The following MTMR2 variants were observed in gnomAD, a reference collection of about 807,000 sequenced individuals.
MTMR2 encodes myotubularin related protein 2.
Under a neutral mutation model 86.9 loss-of-function variants are expected in MTMR2, and 55 were observed. That is an observed-to-expected ratio of 0.63 (90% CI 0.51 to 0.79). The LOEUF is 0.79. MTMR2 is among the 30% of genes least tolerant of loss of function. MTMR2 has a pLI of 0.00. For synonymous variants in MTMR2, 241 were observed against 266.8 expected, an observed-to-expected ratio of 0.90 and a Z score of 0.94; for missense variants, 659 against 772.3, an observed-to-expected ratio of 0.85 and a Z score of 1.74.
chr11:95,859,452 G>A (rs1864326397), intron 5 of MTMR2, among the ~76,000 whole-genome samples: 1 of 152,186 alleles, frequency 6.6e-6, no homozygotes, highest in South Asian at 2.1e-4. Flanking sequence ...GCTCATGCCT[G>A]TTATTCCAAC....
chr11:95,850,475 A>G (rs1590984810), intron 8 of MTMR2, 125 bp downstream of exon 8: 5 of 997,124 alleles, frequency 5.0e-6, no homozygotes, highest in African/African-American at 1.6e-5. Context: ...TCAATCTCCA[A>G]TATCCCCATG....
intron 10 of MTMR2, among the ~76,000 whole-genome samples, chr11:95,845,900 A>C (rs918734989): frequency 6.6e-6 from 1 of 151,348 alleles, no homozygotes; most frequent in Non-Finnish European, 1.5e-5. Flanking sequence ...AAAAAAAAAA[A>C]AAAGGACAAT....
chr11:95,836,074 T>C, intron 14 of MTMR2, 74 bp downstream of exon 14: 1 of 1,397,248 alleles, frequency 7.2e-7, no homozygotes, highest in Non-Finnish European at 1.0e-6. Context: ...CAGATAATCT[T>C]TCCAGCTGCT....
At chr11:95,866,505 C>T (rs1864624599) in intron 2 of MTMR2, 1 of 151,944 alleles carries the variant, frequency 6.6e-6, no homozygotes, top group African/African-American at 2.4e-5. Flanking sequence ...AACAAATTAA[C>T]TTATTTTCAA....
chr11:95,853,942 C>G (rs989305341), intron 7 of MTMR2, among the ~76,000 whole-genome samples: 5 of 152,072 alleles, frequency 3.3e-5, no homozygotes, highest in African/African-American at 1.2e-4. Context: ...TCCCCCAACC[C>G]AGAAAGGTAC....
In MTMR2 at chr11:95,848,532, A is replaced by G. The variant is rs552504403; in HGVS notation, c.994-633T>C. Among the ~76,000 whole-genome samples, 5 of 152,330 alleles carry G rather than the reference A, an allele frequency of 3.3e-5. No homozygotes were observed. The South Asian group carries it at 8.3e-4, about 25-fold the overall frequency. On this transcript the variant is annotated intron_variant, in intron 9 of 14. Transcript: ENST00000346299. ...GAGAAAATATTTGGTGTTCAAAATA[A>G]GCTATGGCTAGAAAGAAGAACCTTA...
chr11:95,886,152 G>A (rs1226320795), intron 2 of MTMR2, among the ~76,000 whole-genome samples: 3 of 151,862 alleles, frequency 2.0e-5, no homozygotes, highest in African/African-American at 7.3e-5. Context: ...AAGAACATTA[G>A]GTAAAAACTA....
At position 95,835,444 on chromosome 11, in the gene MTMR2, A is replaced by C; in HGVS notation, c.1778T>G (p.Ile593Ser). Residue 593 changes from isoleucine to serine, a missense_variant, in exon 15 of 15, where the codon ATT becomes AGT. Transcript: ENST00000346299. The part of the protein sequence containing the change: ...WNPRMKPQEP[I>S]HNRYKELLAK... Reference sequence around the variant, plus strand: ...AAGAAGTTCTTTGTATCTGTTGTGAATAGGTTCCTGCAAGAGCAAAACATA... The same window carrying C: ...AAGAAGTTCTTTGTATCTGTTGTGACTAGGTTCCTGCAAGAGCAAAACATA... 1 of 1,612,470 alleles carries C rather than the reference A, an allele frequency of 6.2e-7. No homozygotes were observed. The highest frequency in any genetic ancestry group is 8.5e-7 in the Non-Finnish European group (1 of 1,179,140).
intron 1 of MTMR2, among the ~76,000 whole-genome samples, chr11:95,901,069 A>C (rs1866057761): frequency 6.6e-6 from 1 of 152,090 alleles, no homozygotes; most frequent in South Asian, 2.1e-4. Context: ...TATTTCTTCT[A>C]GTTGTCCCCT....
chr11:95,906,905 T>C (rs983512833), intron 1 of MTMR2, among the ~76,000 whole-genome samples: 1 of 151,970 alleles, frequency 6.6e-6, no homozygotes, highest in Non-Finnish European at 1.5e-5. Context: ...TAAATCCCCA[T>C]ATCGAAAAAT....
At position 95,914,411 on chromosome 11, in the gene MTMR2, G is replaced by T. The variant is rs140354773; in HGVS notation, c.80+9464C>A. On this transcript the variant is annotated intron_variant, in intron 1 of 14. Coordinates refer to ENST00000346299, the MANE Select transcript of MTMR2 (RefSeq NM_016156.6). ...CAAAGCCTGCAGGGCAGGGAGTGGTGGGGAGGAGGCTTTGGCAATTACTTG... is the reference window on the plus strand; with the variant it reads ...CAAAGCCTGCAGGGCAGGGAGTGGTTGGGAGGAGGCTTTGGCAATTACTTG... The T allele has an allele frequency of 1.3e-4, 123 of 979,150 alleles. No homozygotes were observed. In the African/African-American group the frequency reaches 1.8e-3, roughly 15 times the overall value. The allele number at this position is 979,150 out of a possible 1,614,324, so 60.7% of individuals were successfully genotyped here.
At chr11:95,837,529 A>C (rs1435603233) in intron 13 of MTMR2, among the ~76,000 whole-genome samples, 1 of 152,046 alleles carries the variant, frequency 6.6e-6, no homozygotes, top group Non-Finnish European at 1.5e-5. Context: ...TAATCCTTAC[A>C]CCATTTCTTC....
At chr11:95,911,113 G>A (rs1030210079) in intron 1 of MTMR2, among the ~76,000 whole-genome samples, 1 of 152,110 alleles carries the variant, frequency 6.6e-6, no homozygotes, top group African/African-American at 2.4e-5. Context: ...CTGATTGACA[G>A]AAATAAGAGA....
chr11:95,884,002 A>T (rs1252877149), intron 2 of MTMR2, among the ~76,000 whole-genome samples: 1 of 152,244 alleles, frequency 6.6e-6, no homozygotes, highest in Admixed American at 6.5e-5. Flanking sequence ...GACACAAATA[A>T]GCAATGAGGC....
chr11:95,907,982 C>A (rs1460836371), intron 1 of MTMR2: 5 of 320,778 alleles, frequency 1.6e-5, no homozygotes, highest in Non-Finnish European at 2.5e-5. Flanking sequence ...CAACATAACA[C>A]TGTAAGTCCT....
intron 1 of MTMR2, among the ~76,000 whole-genome samples, chr11:95,901,464 T>C (rs1390532960): frequency 1.3e-5 from 2 of 152,192 alleles, no homozygotes; most frequent in Non-Finnish European, 2.9e-5. Context: ...ATATTAAAAA[T>C]GTAAGGGATT....
At chr11:95,862,483 C>T (rs1864462920) in intron 3 of MTMR2, 117 bp from the exon 4 acceptor site, 1 of 796,168 alleles carries the variant, frequency 1.3e-6, no homozygotes, top group South Asian at 1.5e-5. Context: ...ATAACAGAAC[C>T]AGTAATTTCC....
At chr11:95,882,632 G>A (rs1265928793) in intron 2 of MTMR2, 2 of 151,910 alleles carry the variant, frequency 1.3e-5, no homozygotes, top group Non-Finnish European at 2.9e-5. Flanking sequence ...TTCAAGACAA[G>A]ACAGATGGTT....
At position 95,858,578 on chromosome 11, in the gene MTMR2, T is replaced by C. The variant is rs1864295304; in HGVS notation, c.523A>G (p.Ile175Val). 4.3e-6 allele frequency: 7 copies of C among 1,613,116 alleles called. No homozygotes were observed. In the African/African-American group the frequency reaches 5.3e-5, roughly 12 times the overall value. ...HKPEGRTRRS[I>V]FENLMKYAFP... ...GCATATTTCATTAGATTCTCAAATA[T>C]GGATCTTCTTGTCCGCCCCTCAGGT... is the stretch of plus-strand genomic sequence containing the variant. Residue 175 changes from isoleucine (I) to valine (V), a missense_variant, in exon 6 of 15, where the codon ATA becomes GTA. By Grantham distance (29) the Ile-to-Val change is conservative. Around this residue, in one of 3 missense-constraint regions of MTMR2, gnomAD observed 387 missense variants for 526.3 expected, o/e 0.74. Transcript: ENST00000346299.
Sources: allele counts gnomAD v4.1 joint callset (sites outside exome capture counted in the v4.1 genomes callset), GRCh38; gene constraint gnomAD v4.1.1; regional missense constraint gnomAD v4.1.1; transcripts MANE v1.5; gene names NCBI Gene and HGNC (gene_info 2026-07-23, HGNC 2026-07-21).